Variants in C11orf65 observed in about 807,000 individuals in gnomAD.
C11orf65 encodes the protein chromosome 11 open reading frame 65.
In C11orf65, 38 loss-of-function variants were observed where a neutral mutation model predicts 35.3. That is an observed-to-expected ratio of 1.08 (90% confidence interval 0.83 to 1.41). The LOEUF (loss-of-function observed/expected upper bound fraction) is 1.41, where lower values mean the gene tolerates loss of function less well. C11orf65 is among the 40% of genes most tolerant of loss of function. The probability of loss-of-function intolerance (pLI) is 0.00; values close to 1 mark genes in which losing one functional copy is unlikely to be tolerated. For synonymous variants in C11orf65, 105 were observed against 114.4 expected, an observed-to-expected ratio of 0.92 and a Z score of 0.53; for missense variants, 370 against 367.1, an observed-to-expected ratio of 1.01 and a Z score of -0.06.
At chr11:108,426,623 T>C (rs918856752) in intron 3 of C11orf65, among the ~76,000 whole-genome samples, 1 of 152,112 alleles carries the variant, frequency 6.6e-6, no homozygotes, top group African/African-American at 2.4e-5. Context: ...ACCATTGACT[T>C]TCCTCATAGA....
At chr11:108,353,578 AG>A (rs1374585705) in intron 2 of C11orf65, among the ~76,000 whole-genome samples, 1 of 152,184 alleles carries the variant, frequency 6.6e-6, no homozygotes, top group African/African-American at 2.4e-5. Context: ...TTTGGATTTG[AG>A]GTGGATCTCA....
chr11:108,317,288 A>G (rs1014772123), intron 6 of C11orf65: 20 of 1,413,982 alleles, frequency 1.4e-5, no homozygotes, highest in Non-Finnish European at 1.9e-5. Flanking sequence ...TGTCTAAGTT[A>G]ATTTGTATCT....
At chr11:108,351,134 A>G (rs2089154476) in intron 2 of C11orf65, among the ~76,000 whole-genome samples, 1 of 152,230 alleles carries the variant, frequency 6.6e-6, no homozygotes, top group Admixed American at 6.5e-5. Context: ...ATGCTAAGTG[A>G]AAGATTCCAA....
chr11:108,433,782 T>C (rs11212631), intron 2 of C11orf65, among the ~76,000 whole-genome samples: 25,442 of 151,304 alleles, frequency 0.17, 2,648 homozygotes, highest in Non-Finnish European at 0.2. Flanking sequence ...CAGGAAGTTC[T>C]ATATACATTA....
intron 2 of C11orf65, among the ~76,000 whole-genome samples, chr11:108,445,326 C>T (rs12274479): frequency 6.6e-6 from 1 of 152,004 alleles, no homozygotes; most frequent in African/African-American, 2.4e-5. Flanking sequence ...GTCCCTGACC[C>T]CCGAGCAGCC....
In C11orf65 at chr11:108,343,224, G is replaced by A. The variant is rs906362400; in HGVS notation, c.227-7932C>T. The A allele has an allele frequency of 1.2e-6, 2 of 1,613,910 alleles. No homozygotes were observed. The highest frequency in any genetic ancestry group is 1.7e-6 in the Non-Finnish European group (2 of 1,179,888). ...AGGTATTTAATCTGTAACTCCAGGT[G>A]GTTCCCCTCTCTCAGCGAAGTGGTG... On this transcript the variant is annotated intron_variant, in intron 2 of 3. Coordinates refer to the C11orf65 transcript ENST00000524755.
upstream of C11orf65, chr11:108,467,595 C>T (rs1453495448): frequency 6.6e-6 from 1 of 152,206 alleles, no homozygotes; most frequent in African/African-American, 2.4e-5. Context: ...CCCGCCTTTC[C>T]TCTATTCGCG....
chr11:108,363,443 A>G (rs1329729663), intron 2 of C11orf65, among the ~76,000 whole-genome samples: 3 of 152,182 alleles, frequency 2.0e-5, no homozygotes, highest in Non-Finnish European at 4.4e-5. Context: ...CTAAGGAAAT[A>G]TATCTCTCCC....
chr11:108,413,860 T>C (rs546636935), intron 3 of C11orf65, among the ~76,000 whole-genome samples: 26 of 151,992 alleles, frequency 1.7e-4, no homozygotes, highest in Non-Finnish European at 3.4e-4. Flanking sequence ...AAAAATACTT[T>C]GAAATAAATG....
At chr11:108,341,449 G>A (rs780573844) in intron 2 of C11orf65, among the ~76,000 whole-genome samples, 1 of 152,026 alleles carries the variant, frequency 6.6e-6, no homozygotes, top group Non-Finnish European at 1.5e-5. Flanking sequence ...AACTTTATGA[G>A]GGCATAGTCT....
intron 7 of C11orf65, among the ~76,000 whole-genome samples, chr11:108,386,847 C>T (rs568316925): frequency 2.0e-5 from 3 of 152,082 alleles, no homozygotes; most frequent in African/African-American, 4.8e-5. Context: ...TCTGGAAGGC[C>T]GAGGTGGGCG....
intron 2 of C11orf65, among the ~76,000 whole-genome samples, chr11:108,441,882 A>G (rs890661558): frequency 3.3e-5 from 5 of 152,238 alleles, no homozygotes; most frequent in Admixed American, 2.0e-4. Flanking sequence ...CAGAGCAGAA[A>G]AGCTGAAAAT....
chr11:108,320,107 C>T (rs1310445912), intron 6 of C11orf65: 2 of 1,373,608 alleles, frequency 1.5e-6, no homozygotes, highest in Non-Finnish European at 2.1e-6. Context: ...AATGTCATGG[C>T]TTCTTTTCTG....
At chr11:108,397,955 C>A (rs1439934361) in intron 6 of C11orf65, among the ~76,000 whole-genome samples, 1 of 152,004 alleles carries the variant, frequency 6.6e-6, no homozygotes, top group African/African-American at 2.4e-5. Context: ...TATAAAAGAT[C>A]CATGGGGCAC....
chr11:108,395,434 C>T (rs1235644912), intron 6 of C11orf65, among the ~76,000 whole-genome samples: 5 of 151,446 alleles, frequency 3.3e-5, no homozygotes, highest in African/African-American at 7.3e-5. Flanking sequence ...AAGCAATTCT[C>T]CTGCCCCAGC....
At chr11:108,421,959 T>G (rs757210152) in intron 3 of C11orf65, among the ~76,000 whole-genome samples, 9 of 152,164 alleles carry the variant, frequency 5.9e-5, no homozygotes, top group Admixed American at 5.9e-4. Flanking sequence ...TGAGACGAAG[T>G]CTCACACTGT....
intron 3 of C11orf65, chr11:108,333,015 A>C: frequency 7.5e-7 from 1 of 1,326,726 alleles, no homozygotes; most frequent in Admixed American, 2.0e-5. Context: ...CGTAATCCAA[A>C]AGCTTAATTT....
Position 108,333,785 on chromosome 11 carries a change from T to G in C11orf65, c.299+1435A>C, listed in dbSNP as rs1032908370. ...CTCAATCAGAGCCTGAACCACAGAT[T>G]AGCAACAAGTTGGGGCCAGTGGTAT... On this transcript the variant is annotated intron_variant, in intron 3 of 3. Coordinates refer to the C11orf65 transcript ENST00000524755. The G allele has an allele frequency of 1.7e-4, 161 of 937,462 alleles. 1 individual carries two copies. Among genetic ancestry groups the G allele is most frequent in the Non-Finnish European group, 2.5e-4 (144 of 568,942 alleles). 58.1% of individuals were successfully genotyped at this position (937,462 alleles called of 1,614,324 possible).
intron 3 of C11orf65, among the ~76,000 whole-genome samples, chr11:108,421,736 A>G (rs1240504545): frequency 6.6e-6 from 1 of 152,166 alleles, no homozygotes; most frequent in Admixed American, 6.5e-5. Flanking sequence ...CTCTGGCCCC[A>G]AAAAGCCACA....
Sources: allele counts gnomAD v4.1 joint callset (sites outside exome capture counted in the v4.1 genomes callset), GRCh38; gene constraint gnomAD v4.1.1; transcripts MANE v1.5; gene names NCBI Gene and HGNC (gene_info 2026-07-23, HGNC 2026-07-21).